The following IFT140 variants were observed in gnomAD, a reference collection of about 807,000 sequenced individuals.
IFT140 encodes the protein intraflagellar transport 140, also known as intraflagellar transport protein 140 homolog.
A neutral mutation model predicts 164.6 loss-of-function variants in IFT140; 133 were observed. The observed-to-expected ratio is 0.81, with a 90% CI of 0.70 to 0.93. The LOEUF (loss-of-function observed/expected upper bound fraction) is 0.93. Ranked by LOEUF, IFT140 falls within the 40% of genes least tolerant of loss-of-function variation. The probability of loss-of-function intolerance (pLI) is 0.00; values close to 1 mark genes in which losing one functional copy is unlikely to be tolerated. For missense variants in IFT140, 2,045 were observed against 1,972.3 expected (o/e 1.04, Z -0.70); for synonymous variants, 860 against 817.3 (o/e 1.05, Z -0.89).
intron 3 of IFT140, among the ~76,000 whole-genome samples, chr16:1,604,191 G>A (rs924225636): frequency 5.9e-5 from 9 of 152,084 alleles, no homozygotes; most frequent in African/African-American, 1.7e-4. Flanking sequence ...AGTCTGGCAC[G>A]GCCTTCGCAA....
intron 19 of IFT140, among the ~76,000 whole-genome samples, chr16:1,528,047 C>A (rs1281777699): frequency 6.6e-6 from 1 of 152,174 alleles, no homozygotes; most frequent in Admixed American, 6.5e-5. Flanking sequence ...TGTGTGGGGG[C>A]ACTCAGCCAG....
At chr16:1,593,063 C>T (rs2141926037) in intron 4 of IFT140, among the ~76,000 whole-genome samples, 1 of 151,790 alleles carries the variant, frequency 6.6e-6, no homozygotes, top group Non-Finnish European at 1.5e-5. Flanking sequence ...GGACAGGTGT[C>T]CTGGCAGAGT....
Position 1,524,935 on chromosome 16 carries a change from C to G in IFT140, c.2865-19G>C. The stretch of plus-strand genomic sequence containing the variant: ...CAGGGTCCTGCGGGCAGCCCAAGAC[C>G]ATGGATTCTCCACCCGAGCCCCGCT... On this transcript the variant is annotated intron_variant, in intron 22 of 30. Coordinates refer to ENST00000426508, the MANE Select transcript of IFT140 (RefSeq NM_014714.4). 1.3e-6 allele frequency: 2 copies of G among 1,591,862 alleles called. No individual in the cohort carries two copies. The highest frequency in any genetic ancestry group is 2.2e-5 in the South Asian group (2 of 90,572).
At position 1,562,106 on chromosome 16, in the gene IFT140, A is replaced by C; in HGVS notation, c.2078T>G (p.Leu693Trp). 1 of 1,603,518 alleles carries C rather than the reference A, an allele frequency of 6.2e-7. No homozygotes were observed. Among genetic ancestry groups the C allele is most frequent in the Non-Finnish European group, 8.5e-7 (1 of 1,175,592 alleles). The part of the protein sequence containing the change: ...DGRAGPAADV[L>W]ILSFFISEEH... ...TTCGGAAATGAAGAAGGACAGGATCAAAACATCTGCCTGGGAGAGAAAGAA... is the reference window on the plus strand; with the variant it reads ...TTCGGAAATGAAGAAGGACAGGATCCAAACATCTGCCTGGGAGAGAAAGAA... Residue 693 changes from leucine (L) to tryptophan (W), a missense_variant, in exon 18 of 31, where the codon TTG becomes TGG. Physicochemically the swap from Leu to Trp is moderately conservative, Grantham distance 61 (BLOSUM62 -2). Transcript: ENST00000426508.
Position 1,520,799 on chromosome 16 carries a change from C to T in IFT140, c.3463G>A (p.Ala1155Thr). Reference sequence around the variant, plus strand: ...TTCTGCCCCAGGCACAGCTGCAGGGCTTCCTGATACTGCAAAGGTGCAGAA... The same window carrying T: ...TTCTGCCCCAGGCACAGCTGCAGGGTTTCCTGATACTGCAAAGGTGCAGAA... ...LLLAARKYQE[A>T]LQLCLGQNMS... The change falls in exon 27 of 31, where the codon GCC (alanine) becomes ACC (threonine). Residue 1155 changes from alanine to threonine, a missense_variant. Ala to Thr is a moderately conservative substitution (Grantham distance 58). Transcript: ENST00000426508. 6.2e-7 allele frequency: 1 copy of T among 1,602,874 alleles called. No individual in the cohort carries two copies. The highest frequency in any genetic ancestry group is 8.5e-7 in the Non-Finnish European group (1 of 1,179,856).
At chr16:1,586,343 T>G (rs1356542415) in intron 9 of IFT140, 68 bp from the exon 10 acceptor site, 4 of 1,479,938 alleles carry the variant, frequency 2.7e-6, no homozygotes, top group Non-Finnish European at 2.8e-6. Context: ...ACAAGCTCTG[T>G]TCTCTAACCC....
intron 11 of IFT140, among the ~76,000 whole-genome samples, chr16:1,583,601 GTTTT>G (rs778759241): frequency 7.2e-6 from 1 of 138,416 alleles, no homozygotes. Context: ...ATTCTTTTCT[GTTTT>G]TTTTTTTCTT....
intron 4 of IFT140, among the ~76,000 whole-genome samples, chr16:1,596,079 A>C (rs1307709954): frequency 6.6e-6 from 1 of 152,090 alleles, no homozygotes; most frequent in East Asian, 1.9e-4. Flanking sequence ...CAAACAAACA[A>C]ACAAAACCAC....
chr16:1,528,332 T>C (rs1251151457), intron 19 of IFT140, among the ~76,000 whole-genome samples: 2 of 103,022 alleles, frequency 1.9e-5, no homozygotes, highest in Non-Finnish European at 3.9e-5. Context: ...TGCACGCACG[T>C]GTGCACACAC....
chr16:1,537,640 A>G (rs1180816900), intron 19 of IFT140, among the ~76,000 whole-genome samples: 1 of 152,204 alleles, frequency 6.6e-6, no homozygotes, highest in East Asian at 1.9e-4. Flanking sequence ...GGTCCACCTC[A>G]CATGCCATGT....
Position 1,536,153 on chromosome 16 carries a change from A to G in IFT140, c.2400-9357T>C, listed in dbSNP as rs569590826. Among the ~76,000 whole-genome samples the G allele has an allele frequency of 1.2e-4, 18 of 152,234 alleles. No homozygotes were observed. The East Asian group carries it at 3.5e-3, about 29-fold the overall frequency. ...GCAGCTCTGCACCTCCAGGCCTCCT[A>G]ACTGCTGCCACCAACACCCACAGGT... On this transcript the variant is annotated intron_variant, in intron 19 of 30. Transcript: ENST00000426508.
chr16:1,610,757 C>A lies in IFT140; in HGVS notation c.-125G>T, dbSNP rs1270693830. The A allele has an allele frequency of 6.5e-6, 1 of 153,528 alleles. No individual in the cohort carries two copies. The highest frequency in any genetic ancestry group is 6.5e-5 in the Admixed American group (1 of 15,298). The allele number at this position is 153,528 out of a possible 1,614,324, so 9.5% of individuals were successfully genotyped here. A position where few individuals can be genotyped will look rare whatever the true frequency, so the allele number is the denominator to read the frequency against. On this transcript the variant is annotated 5_prime_UTR_variant, in exon 2 of 31. Transcript: ENST00000426508. ...AAGGTGAGCGAGGCGGCCCCGAGGA[C>A]TCCCGAAGCGCCCCGAGCGGCCGGA...
At chr16:1,603,340 G>A (rs997512526) in intron 3 of IFT140, among the ~76,000 whole-genome samples, 2 of 152,108 alleles carry the variant, frequency 1.3e-5, no homozygotes, top group African/African-American at 2.4e-5. Context: ...GGATCTGAAA[G>A]GTGAAAATTA....
intron 19 of IFT140, among the ~76,000 whole-genome samples, chr16:1,542,304 G>A (rs767929300): frequency 6.6e-6 from 1 of 152,250 alleles, no homozygotes; most frequent in Non-Finnish European, 1.5e-5. Context: ...GGGAGGCTGC[G>A]ACCACCTGGC....
In IFT140 at chr16:1,568,429, A is replaced by C. The variant is rs1376503908; in HGVS notation, c.1653-95T>G. ...CCTCTGTTCACCGGATGAGTGCTGC[A>C]CAGCTCTTAGGCTGCTTCTCACCCT... On this transcript the variant is annotated intron_variant, in intron 14 of 30. Coordinates refer to ENST00000426508, the MANE Select transcript of IFT140 (RefSeq NM_014714.4). The C allele has an allele frequency of 2.3e-5, 23 of 1,013,936 alleles. 1 individual carries two copies. In the East Asian group the frequency reaches 5.5e-4, roughly 24 times the overall value. 62.8% of individuals were successfully genotyped at this position (1,013,936 alleles called of 1,614,324 possible).
rs577188598 is a variant in IFT140 at position 1,545,367 on chromosome 16, C to A, written c.2399+12568G>T. On this transcript the variant is annotated intron_variant, in intron 19 of 30. Transcript: ENST00000426508. ...CTTGCCCCCACAGGCCACCTCTCCCCCTCAGTGTCCAACCATCACCCCTAA... is the reference window on the plus strand; with the variant it reads ...CTTGCCCCCACAGGCCACCTCTCCCACTCAGTGTCCAACCATCACCCCTAA... 8.3e-4 allele frequency among the ~76,000 whole-genome samples: 127 copies of A among 152,346 alleles called. 1 individual carries two copies. The highest frequency in any genetic ancestry group is 2.8e-3 in the African/African-American group (116 of 41,582).
intron 3 of IFT140, among the ~76,000 whole-genome samples, chr16:1,604,690 T>C (rs919651850): frequency 6.6e-6 from 1 of 151,798 alleles, no homozygotes; most frequent in Non-Finnish European, 1.5e-5. Context: ...TAGGAAGCTG[T>C]ACTGGTGTCC....
At position 1,556,688 on chromosome 16, in the gene IFT140, A is replaced by G. The variant is rs563568884; in HGVS notation, c.2399+1247T>C. On this transcript the variant is annotated intron_variant, in intron 19 of 30. Transcript: ENST00000426508. ...GAAATACCAGATTCACGTCCACAGTACACACTAGCAGGGATAGTTGACTTT... is the reference window on the plus strand; with the variant it reads ...GAAATACCAGATTCACGTCCACAGTGCACACTAGCAGGGATAGTTGACTTT... Among the ~76,000 whole-genome samples the G allele has an allele frequency of 2.0e-5, 3 of 152,394 alleles. No individual in the cohort carries two copies. The East Asian group carries it at 5.8e-4, about 29-fold the overall frequency.
At chr16:1,534,256 C>T (rs199838398) in intron 19 of IFT140, 37 of 1,607,482 alleles carry the variant, frequency 2.3e-5, no homozygotes, top group Middle Eastern at 3.3e-4. Context: ...TCCGGATAAG[C>T]GGCGGCACCG....
Sources: gnomAD v4.1 joint callset for allele counts (sites outside exome capture counted in the v4.1 genomes callset) on GRCh38, gnomAD v4.1.1 for gene constraint, MANE v1.5 for transcripts, NCBI Gene and HGNC (gene_info 2026-07-23, HGNC 2026-07-21) for gene names.